Variants in GABRB3 observed in about 807,000 individuals in gnomAD.
GABRB3 encodes the protein gamma-aminobutyric acid type A receptor subunit beta3, also known as gamma-aminobutyric acid receptor subunit beta-3.
Under a neutral mutation model 52.1 loss-of-function variants are expected in GABRB3, and 14 were observed. That is an observed-to-expected ratio of 0.27 (90% CI 0.18 to 0.42). The LOEUF (loss-of-function observed/expected upper bound fraction) is 0.42, where lower values mean the gene tolerates loss of function less well. Ranked by LOEUF, GABRB3 falls within the 10% of genes least tolerant of loss-of-function variation. The probability of loss-of-function intolerance (pLI) is 1.00; values close to 1 mark genes in which losing one functional copy is unlikely to be tolerated. For synonymous variants in GABRB3, 260 were observed against 232.3 expected (o/e 1.12, Z -1.08); for missense variants, 307 against 609.1 (o/e 0.50, Z 5.22).
chr15:26,769,976 T>C (rs1891102593), intron 3 of GABRB3, among the ~76,000 whole-genome samples: 1 of 24,866 alleles, frequency 4.0e-5, no homozygotes, highest in Non-Finnish European at 7.9e-5. Flanking sequence ...TAGATTTTAC[T>C]GTTCTCAAAC....
intron 3 of GABRB3, among the ~76,000 whole-genome samples, chr15:26,769,724 C>G (rs1225362484): frequency 6.6e-6 from 1 of 152,126 alleles, no homozygotes; most frequent in Non-Finnish European, 1.5e-5. Context: ...GTTTCCACAT[C>G]AAATACCTCC....
chr15:26,649,658 C>CTGTGTGTGTGTGTG (rs57833685), intron 3 of GABRB3, among the ~76,000 whole-genome samples: 6,005 of 130,056 alleles, frequency 0.046, 245 homozygotes, highest in South Asian at 0.064. Context: ...AGAGCCAAGG[C>CTGTGTGTGTGTGTG]TGTGTGTGTG....
At chr15:26,713,925 C>T (rs938647630) in intron 3 of GABRB3, among the ~76,000 whole-genome samples, 22 of 152,176 alleles carry the variant, frequency 1.4e-4, no homozygotes, top group Non-Finnish European at 2.4e-4. Context: ...GGAGGTTGAA[C>T]GGCCACATGT....
rs1206215294 is a variant in GABRB3, at chr15:26,772,787, G to A, written c.81-15C>T. 1 of 1,538,994 alleles carries A rather than the reference G, an allele frequency of 6.5e-7. No individual in the cohort carries two copies. The highest frequency in any genetic ancestry group is 1.9e-5 in the Admixed American group (1 of 52,898). ...GATCGTTCACACTGGGGGAGGGACG[G>A]GGAGCACAAAGAGCGGGGTCAGGGG... On this transcript the variant is annotated splice_polypyrimidine_tract_variant and intron_variant, in intron 1 of 8. Transcript: ENST00000311550.
chr15:26,772,504 C>T (rs757803732), intron 2 of GABRB3, 35 bp from the exon 3 acceptor site: 1 of 1,602,418 alleles, frequency 6.2e-7, no homozygotes, highest in South Asian at 1.1e-5. Flanking sequence ...ATCAGCCCAG[C>T]TCCGGCGCGG....
At chr15:26,574,925 A>G (rs1205745814) in intron 6 of GABRB3, among the ~76,000 whole-genome samples, 2 of 152,206 alleles carry the variant, frequency 1.3e-5, no homozygotes, top group Admixed American at 6.5e-5. Context: ...AGGAAAAAAA[A>G]TGTTTACTAC....
intron 3 of GABRB3, among the ~76,000 whole-genome samples, chr15:26,696,733 C>T (rs1888751431): frequency 6.6e-6 from 1 of 152,198 alleles, no homozygotes; most frequent in African/African-American, 2.4e-5. Flanking sequence ...ATTCACCACA[C>T]TTAGGCTGGA....
intron 3 of GABRB3, among the ~76,000 whole-genome samples, chr15:26,760,348 A>C (rs1890780497): frequency 6.6e-6 from 1 of 152,212 alleles, no homozygotes; most frequent in Non-Finnish European, 1.5e-5. Context: ...CCTCATTAGA[A>C]AGATGATCAA....
rs1490671865 is a variant in GABRB3 at position 26,569,732 on chromosome 15, C to T, written c.683-1999G>A. On this transcript the variant is annotated intron_variant, in intron 6 of 8. Coordinates refer to ENST00000311550, the MANE Select transcript of GABRB3 (RefSeq NM_000814.6). The stretch of plus-strand genomic sequence containing the variant: ...TGCAAATGTATGAAACCAATGTATG[C>T]CGCTGCCACTATCAGCAGATTAATA... Among the ~76,000 whole-genome samples, 5 of 152,220 alleles carry T rather than the reference C, an allele frequency of 3.3e-5. No individual in the cohort carries two copies. The East Asian group carries it at 9.6e-4, about 29-fold the overall frequency.
chr15:26,577,961 A>G (rs1027066630), intron 6 of GABRB3, among the ~76,000 whole-genome samples: 10 of 152,198 alleles, frequency 6.6e-5, no homozygotes, highest in African/African-American at 2.4e-4. Flanking sequence ...TAAATCTTTT[A>G]TTTTTTATAG....
intron 6 of GABRB3, among the ~76,000 whole-genome samples, chr15:26,575,294 T>C (rs184214621): frequency 2.2e-4 from 33 of 152,336 alleles, no homozygotes; most frequent in Middle Eastern, 3.4e-3. Flanking sequence ...AGCGCTGCCT[T>C]GGCCCTGGGA....
chr15:26,623,541 GTT>G, intron 3 of GABRB3, among the ~76,000 whole-genome samples: 1 of 63,236 alleles, frequency 1.6e-5, no homozygotes, highest in African/African-American at 4.3e-5. Flanking sequence ...CATCTCTTTT[GTT>G]TGTTTGTTTG....
chr15:26,756,718 TGG>T (rs11339439), intron 3 of GABRB3, among the ~76,000 whole-genome samples: 1 of 152,156 alleles, frequency 6.6e-6, no homozygotes, highest in Non-Finnish European at 1.5e-5. Context: ...TAAAAACCCA[TGG>T]GGTGTACAGA....
At chr15:26,739,057 G>C (rs886337540) in intron 3 of GABRB3, among the ~76,000 whole-genome samples, 2 of 152,058 alleles carry the variant, frequency 1.3e-5, no homozygotes, top group Non-Finnish European at 2.9e-5. Flanking sequence ...CTCAAATATG[G>C]GCTTAGAGAA....
At chr15:26,702,880 T>C (rs966113179) in intron 3 of GABRB3, among the ~76,000 whole-genome samples, 2 of 152,210 alleles carry the variant, frequency 1.3e-5, no homozygotes, top group Non-Finnish European at 2.9e-5. Context: ...CTCAAATAGA[T>C]GTGAGGAATA....
chr15:26,646,399 T>C (rs1281935396), intron 3 of GABRB3, among the ~76,000 whole-genome samples: 1 of 152,242 alleles, frequency 6.6e-6, no homozygotes, highest in African/African-American at 2.4e-5. Flanking sequence ...GTGTTTCATT[T>C]CTTTTTATTG....
intron 3 of GABRB3, among the ~76,000 whole-genome samples, chr15:26,728,338 C>T (rs1889825010): frequency 6.6e-6 from 1 of 152,212 alleles, no homozygotes; most frequent in African/African-American, 2.4e-5. Context: ...CATATGGAGA[C>T]TCTGTTGTCT....
chr15:26,606,760 C>G (rs1891811581), intron 4 of GABRB3, among the ~76,000 whole-genome samples: 1 of 55,946 alleles, frequency 1.8e-5, no homozygotes, highest in Admixed American at 1.7e-4. Context: ...TCATACATAT[C>G]TGTCTATCTA....
At position 26,689,881 on chromosome 15, in the gene GABRB3, T is replaced by C. The variant is rs189994749; in HGVS notation, c.241-68347A>G. ...GCAAGGGAGGGACGATAACGAGGCG[T>C]GCCTGATCTCCCCTCCTGCCATGGC... is the stretch of plus-strand genomic sequence containing the variant. On this transcript the variant is annotated intron_variant, in intron 3 of 8. Transcript: ENST00000311550. 6.2e-4 allele frequency among the ~76,000 whole-genome samples: 95 copies of C among 152,250 alleles called. 2 individuals are homozygous for C. The highest frequency in any genetic ancestry group is 5.6e-4 in the Non-Finnish European group (38 of 68,016).
Sources: gnomAD v4.1 joint callset for allele counts (sites outside exome capture counted in the v4.1 genomes callset) on GRCh38, gnomAD v4.1.1 for gene constraint, MANE v1.5 for transcripts, NCBI Gene and HGNC (gene_info 2026-07-23, HGNC 2026-07-21) for gene names.